Variants in PTPRD observed in about 807,000 individuals in gnomAD.
PTPRD encodes receptor-type tyrosine-protein phosphatase delta.
In PTPRD, 34 loss-of-function variants were observed where a neutral mutation model predicts 214.5. The ratio of observed to expected loss-of-function variants is 0.16; its 90% CI spans 0.12 to 0.21. The LOEUF (loss-of-function observed/expected upper bound fraction) is 0.21, where lower values mean the gene tolerates loss of function less well. Ranked by LOEUF, PTPRD falls within the 10% of genes least tolerant of loss-of-function variation. The pLI is 1.00. For missense variants in PTPRD, 2,545 were observed against 2,398.7 expected, an observed-to-expected ratio of 1.06 and a Z score of -1.27; for synonymous variants, 1,128 against 845.7, an observed-to-expected ratio of 1.33 and a Z score of -5.79.
chr9:8,796,846 A>G (rs991696342), intron 11 of PTPRD, among the ~76,000 whole-genome samples: 1 of 152,144 alleles, frequency 6.6e-6, no homozygotes, highest in African/African-American at 2.4e-5. Flanking sequence ...AAACTCAAAC[A>G]TCGCCTAGAA....
chr9:9,315,784 T>C (rs1244257407), intron 9 of PTPRD, among the ~76,000 whole-genome samples: 1 of 151,334 alleles, frequency 6.6e-6, no homozygotes, highest in East Asian at 1.9e-4. Context: ...TAAATCCTTA[T>C]GTTTTTCTTG....
chr9:9,088,601 A>AAAAAAAAAAAAAAAAC (rs2099771019), intron 10 of PTPRD, among the ~76,000 whole-genome samples: 1 of 149,374 alleles, frequency 6.7e-6, no homozygotes, highest in African/African-American at 2.5e-5. Context: ...AAAAAAAAAA[A>AAAAAAAAAAAAAAAAC]AAAAAAAAGA....
intron 9 of PTPRD, among the ~76,000 whole-genome samples, chr9:9,254,848 A>C (rs979159157): frequency 6.6e-6 from 1 of 152,054 alleles, no homozygotes; most frequent in African/African-American, 2.4e-5. Flanking sequence ...GTAGGATACC[A>C]AGCCACCAAA....
At position 9,684,909 on chromosome 9, in the gene PTPRD, T is replaced by C. The variant is rs575367441; in HGVS notation, c.-287+49624A>G. 7.9e-5 allele frequency among the ~76,000 whole-genome samples: 12 copies of C among 151,736 alleles called. No homozygotes were observed. The South Asian group carries it at 1.9e-3, about 24-fold the overall frequency. ...CACAGCATGTTACTTAAGCTCTGTG[T>C]TGTATTAATTTTTTCCTATCTAAAA... On this transcript the variant is annotated intron_variant, in intron 7 of 45. Transcript: ENST00000381196.
intron 10 of PTPRD, among the ~76,000 whole-genome samples, chr9:9,058,903 G>T (rs567035624): frequency 6.6e-6 from 1 of 152,276 alleles, no homozygotes; most frequent in African/African-American, 2.4e-5. Flanking sequence ...AGATAATGAG[G>T]ACTGATTATA....
intron 3 of PTPRD, among the ~76,000 whole-genome samples, chr9:10,208,339 C>G (rs887500338): frequency 6.6e-6 from 1 of 152,120 alleles, no homozygotes; most frequent in Non-Finnish European, 1.5e-5. Flanking sequence ...ACGGTGAAAC[C>G]CCGTCTCTAC....
At chr9:10,483,545 T>A (rs1591505) in intron 2 of PTPRD, among the ~76,000 whole-genome samples, 44,096 of 151,606 alleles carry the variant, frequency 0.29, 7,602 homozygotes, top group African/African-American at 0.47. Flanking sequence ...AAGACTAATA[T>A]CCAGCATCCA....
At position 10,548,565 on chromosome 9, in the gene PTPRD, T is replaced by C. The variant is rs574661658; in HGVS notation, c.-600+63833A>G. 5.3e-5 allele frequency among the ~76,000 whole-genome samples: 8 copies of C among 152,048 alleles called. No homozygotes were observed. The South Asian group carries it at 6.2e-4, about 12-fold the overall frequency. On this transcript the variant is annotated intron_variant, in intron 2 of 45. Coordinates refer to ENST00000381196, the MANE Select transcript of PTPRD (RefSeq NM_002839.4). ...AAAGACCTAAAAATACAGCTTAGAG[T>C]CTCAGCGTAAGCACTGACCATGTGG...
chr9:10,010,393 T>C, intron 4 of PTPRD, among the ~76,000 whole-genome samples: 1 of 151,260 alleles, frequency 6.6e-6, no homozygotes, highest in East Asian at 1.9e-4. Flanking sequence ...CAGTAATGTC[T>C]GCTTGTGTTG....
In PTPRD at chr9:9,667,564, C is replaced by G. The variant is rs188058356; in HGVS notation, c.-287+66969G>C. ...GCATTTTCTACCCCTTAGAAGCTGG[C>G]TCTAACCCTAAAAGTGAATTCATTT... On this transcript the variant is annotated intron_variant, in intron 7 of 45. Coordinates refer to ENST00000381196, the MANE Select transcript of PTPRD (RefSeq NM_002839.4). Among the ~76,000 whole-genome samples, 39 of 152,230 alleles carry G rather than the reference C, an allele frequency of 2.6e-4. 1 individual carries two copies. The highest frequency in any genetic ancestry group is 2.6e-3 in the Admixed American group (39 of 15,280).
At chr9:9,135,583 G>A (rs925809065) in intron 10 of PTPRD, among the ~76,000 whole-genome samples, 3 of 152,062 alleles carry the variant, frequency 2.0e-5, no homozygotes, top group Admixed American at 1.3e-4. Context: ...GGCTAAGTGC[G>A]ATAGGAGACA....
At chr9:9,019,641 G>A (rs977943139) in intron 10 of PTPRD, among the ~76,000 whole-genome samples, 1 of 152,198 alleles carries the variant, frequency 6.6e-6, no homozygotes, top group Non-Finnish European at 1.5e-5. Flanking sequence ...AGGAGGCGGA[G>A]GTTGCGGTGA....
At chr9:10,016,283 C>T (rs761588732) in intron 4 of PTPRD, among the ~76,000 whole-genome samples, 1 of 151,942 alleles carries the variant, frequency 6.6e-6, no homozygotes, top group African/African-American at 2.4e-5. Context: ...AACCCATTTA[C>T]AGTAGTGAGT....
At chr9:9,117,249 ATGAT>A (rs1203389265) in intron 10 of PTPRD, among the ~76,000 whole-genome samples, 7 of 146,036 alleles carry the variant, frequency 4.8e-5, no homozygotes, top group Admixed American at 1.4e-4. Context: ...CTTTCAGGGT[ATGAT>A]TAACTTATAC....
At chr9:9,213,481 G>A (rs542606421) in intron 9 of PTPRD, among the ~76,000 whole-genome samples, 8 of 152,064 alleles carry the variant, frequency 5.3e-5, no homozygotes, top group African/African-American at 1.7e-4. Context: ...ATTTAAAACC[G>A]CACTTGAAAA....
chr9:10,047,920 T>A (rs1696767138), intron 3 of PTPRD, among the ~76,000 whole-genome samples: 1 of 152,168 alleles, frequency 6.6e-6, no homozygotes, highest in Admixed American at 6.6e-5. Context: ...CCCACCTTAC[T>A]CTATTTCTTT....
intron 12 of PTPRD, among the ~76,000 whole-genome samples, chr9:8,643,730 G>C (rs545606414): frequency 5.7e-4 from 87 of 152,344 alleles, no homozygotes; most frequent in African/African-American, 2.1e-3. Context: ...CCAGCCCCTT[G>C]CTGCCTCAGC....
At chr9:8,439,404 C>T (rs2095467595) in intron 34 of PTPRD, among the ~76,000 whole-genome samples, 1 of 152,176 alleles carries the variant, frequency 6.6e-6, no homozygotes, top group Admixed American at 6.5e-5. Context: ...TCTATTGGTG[C>T]ATATGTAAGG....
chr9:10,140,779 G>A (rs201790427), intron 3 of PTPRD, among the ~76,000 whole-genome samples: 11 of 151,640 alleles, frequency 7.3e-5, no homozygotes, highest in Admixed American at 2.0e-4. Context: ...TACCAAAGCC[G>A]GGCAGAGACA....
Sources: gnomAD v4.1 joint callset for allele counts (sites outside exome capture counted in the v4.1 genomes callset) on GRCh38, gnomAD v4.1.1 for gene constraint, MANE v1.5 for transcripts, NCBI Gene and HGNC (gene_info 2026-07-23, HGNC 2026-07-21) for gene names.